The following MROH9 variants were observed in gnomAD, a reference collection of about 807,000 sequenced individuals.
MROH9 encodes the protein maestro heat-like repeat-containing protein family member 9.
MROH9 carries 92 observed loss-of-function variants against 98.2 expected under a neutral mutation model. The ratio of observed to expected loss-of-function variants is 0.94; its 90% CI spans 0.79 to 1.11. MROH9 has a LOEUF of 1.11. Among genes scored for constraint, MROH9 ranks in the 50% most tolerant of loss-of-function variants. MROH9 has a pLI of 0.00. For synonymous variants in MROH9, 397 were observed against 368.9 expected (o/e 1.08, Z -0.87); for missense variants, 1,057 against 1,014.8 (o/e 1.04, Z -0.57).
chr1:170,976,458 A>G (rs974522682), intron 8 of MROH9, among the ~76,000 whole-genome samples: 1 of 152,084 alleles, frequency 6.6e-6, no homozygotes, highest in Non-Finnish European at 1.5e-5. Flanking sequence ...TTTTTTAAGA[A>G]TGTTGAAGCC....
chr1:171,002,731 A>G (rs1651821059), intron 15 of MROH9, among the ~76,000 whole-genome samples: 1 of 152,188 alleles, frequency 6.6e-6, no homozygotes. Flanking sequence ...CAATGTGCTT[A>G]GGTGAAGATC....
Position 170,965,131 on chromosome 1 carries a change from G to T in MROH9, c.376-20G>T. 1.3e-6 allele frequency: 2 copies of T among 1,566,622 alleles called. No individual in the cohort carries two copies. The highest frequency in any genetic ancestry group is 2.2e-5 in the South Asian group (2 of 88,928). On this transcript the variant is annotated intron_variant, in intron 6 of 21. Transcript: ENST00000367759. Reference sequence around the variant, plus strand: ...AATGGAAATTTCATGGTTCTAGGATGACTTTTATGTTTCCAACAGGAAATG... The same window carrying T: ...AATGGAAATTTCATGGTTCTAGGATTACTTTTATGTTTCCAACAGGAAATG...
At chr1:171,028,525 C>T (rs1557904721) in intron 20 of MROH9, among the ~76,000 whole-genome samples, 1 of 152,194 alleles carries the variant, frequency 6.6e-6, no homozygotes, top group Non-Finnish European at 1.5e-5. Flanking sequence ...TCTTTCATTA[C>T]ATGTGAAATC....
In MROH9 at chr1:170,956,595, G is replaced by GTTT. The variant is rs5778690; in HGVS notation, c.73-1853_73-1851dup. 2.3e-3 allele frequency among the ~76,000 whole-genome samples: 240 copies of GTTT among 104,584 alleles called. 6 individuals carry two copies. Among genetic ancestry groups the GTTT allele is most frequent in the African/African-American group, 8.5e-3 (222 of 26,214 alleles). 68.6% of individuals were successfully genotyped at this position (104,584 alleles called of 152,430 possible). On this transcript the variant is annotated intron_variant, in intron 3 of 21. Transcript: ENST00000367759. ...TTTTTCTCTTTCCTTTTTTTTTTTT[G>GTTT]TTTTTTTTTTTTTTTGCAGCCATTG...
At chr1:171,031,972 A>T (rs1455538563) in intron 20 of MROH9, among the ~76,000 whole-genome samples, 2 of 152,012 alleles carry the variant, frequency 1.3e-5, no homozygotes, top group Non-Finnish European at 1.5e-5. Flanking sequence ...GGCTTTCTTC[A>T]TTCCTTTTCA....
At chr1:170,952,623 A>C in intron 3 of MROH9, among the ~76,000 whole-genome samples, 1 of 122,790 alleles carries the variant, frequency 8.1e-6, no homozygotes, top group African/African-American at 3.1e-5. Context: ...GGGGGGAGGG[A>C]TAGTATTAGG....
intron 12 of MROH9, among the ~76,000 whole-genome samples, chr1:170,993,209 T>A (rs983092872): frequency 6.6e-6 from 1 of 152,202 alleles, no homozygotes; most frequent in Non-Finnish European, 1.5e-5. Context: ...TAAAAGTGAA[T>A]TTCAAGTTGT....
At chr1:170,954,125 G>T (rs114988524) in intron 3 of MROH9, among the ~76,000 whole-genome samples, 7,476 of 151,996 alleles carry the variant, frequency 0.049, 230 homozygotes, top group Non-Finnish European at 0.069. Flanking sequence ...TGGTAAACTG[G>T]AATTTTATAA....
intron 3 of MROH9, among the ~76,000 whole-genome samples, chr1:170,953,575 A>C (rs1260415125): frequency 1.3e-5 from 2 of 152,088 alleles, no homozygotes; most frequent in African/African-American, 2.4e-5. Flanking sequence ...TTTGTAACAT[A>C]AAGTCTTGTA....
At chr1:171,054,724 T>C (rs1000369166) in intron 20 of MROH9, among the ~76,000 whole-genome samples, 2 of 152,112 alleles carry the variant, frequency 1.3e-5, no homozygotes, top group African/African-American at 2.4e-5. Context: ...AAAGAAAATA[T>C]ACAAATGGCC....
intron 17 of MROH9, among the ~76,000 whole-genome samples, chr1:171,023,111 G>A (rs1652571557): frequency 6.6e-6 from 1 of 152,180 alleles, no homozygotes; most frequent in Non-Finnish European, 1.5e-5. Flanking sequence ...TTGAGCCCAA[G>A]AATTTCAGAC....
In MROH9 at chr1:171,064,087, C is replaced by T; in HGVS notation, c.2345-12C>T. The stretch of plus-strand genomic sequence containing the variant: ...GAGATAACTTGAACTAAAGTCTCTT[C>T]TGATATTACAGTTATTGAACGACTG... On this transcript the variant is annotated splice_polypyrimidine_tract_variant and intron_variant, in intron 21 of 21. Coordinates refer to ENST00000367759, the MANE Select transcript of MROH9 (RefSeq NM_001163629.2). 2 of 1,526,704 alleles carry T rather than the reference C, an allele frequency of 1.3e-6. No individual in the cohort carries two copies. The highest frequency in any genetic ancestry group is 8.8e-7 in the Non-Finnish European group (1 of 1,140,420). The allele number at this position is 1,526,704 out of a possible 1,614,324, so 94.6% of individuals were successfully genotyped here.
At chr1:170,978,589 C>T (rs1029064220) in intron 8 of MROH9, among the ~76,000 whole-genome samples, 3 of 152,104 alleles carry the variant, frequency 2.0e-5, no homozygotes, top group African/African-American at 7.2e-5. Flanking sequence ...TGTTCCTTCC[C>T]CTAGCCCAAG....
chr1:170,971,555 G>A (rs549680821), intron 7 of MROH9, among the ~76,000 whole-genome samples, 193 bp from the exon 8 acceptor site: 1 of 152,272 alleles, frequency 6.6e-6, no homozygotes, highest in South Asian at 2.1e-4. Context: ...TTACAAAGTG[G>A]AATTTATTGT....
At chr1:170,943,834 C>T (rs1456763596) in intron 1 of MROH9, among the ~76,000 whole-genome samples, 3 of 151,868 alleles carry the variant, frequency 2.0e-5, no homozygotes, top group East Asian at 1.9e-4. Context: ...ATGAGATTCT[C>T]TTAAATAAAG....
intron 20 of MROH9, among the ~76,000 whole-genome samples, chr1:171,045,003 T>TGAGATGGAG (rs1194989100): frequency 2.2e-5 from 1 of 46,058 alleles, no homozygotes; most frequent in African/African-American, 8.9e-5. Flanking sequence ...TTTTTTTTTT[T>TGAGATGGAG]TTTTTTTTTT....
chr1:170,953,728 GAAAGAAAAGAAAAGA>G (rs3980711), intron 3 of MROH9, among the ~76,000 whole-genome samples: 26 of 141,968 alleles, frequency 1.8e-4, no homozygotes, highest in Middle Eastern at 3.6e-3. Flanking sequence ...GTAGATTAGG[GAAAGAAAAGAAAAGA>G]AAAGAAAAGA....
intron 20 of MROH9, among the ~76,000 whole-genome samples, chr1:171,056,754 A>G (rs528248002): frequency 6.6e-6 from 1 of 152,268 alleles, no homozygotes; most frequent in East Asian, 1.9e-4. Context: ...CAGAAGATGG[A>G]GCAGGCACCC....
At chr1:171,051,136 G>A (rs916066297) in intron 20 of MROH9, among the ~76,000 whole-genome samples, 1 of 152,130 alleles carries the variant, frequency 6.6e-6, no homozygotes, top group Non-Finnish European at 1.5e-5. Flanking sequence ...TTACACTGTT[G>A]GTGGGAATGT....
Sources: allele counts gnomAD v4.1 joint callset (sites outside exome capture counted in the v4.1 genomes callset), GRCh38; gene constraint gnomAD v4.1.1; transcripts MANE v1.5; gene names NCBI Gene and HGNC (gene_info 2026-07-23, HGNC 2026-07-21).